Variants in CPPED1 observed in about 807,000 individuals in gnomAD.
CPPED1 encodes the protein calcineurin like phosphoesterase domain containing 1, also known as serine/threonine-protein phosphatase CPPED1.
CPPED1 carries 28 observed loss-of-function variants against 28.0 expected under a neutral mutation model. The observed-to-expected ratio is 1.00, with a 90% CI of 0.74 to 1.37. CPPED1 has a LOEUF of 1.37. CPPED1 is among the 40% of genes most tolerant of loss of function. The probability of loss-of-function intolerance (pLI) is 0.00; values close to 1 mark genes in which losing one functional copy is unlikely to be tolerated. For missense variants in CPPED1, 504 were observed against 416.5 expected (o/e 1.21, Z -1.83); for synonymous variants, 198 against 180.2 (o/e 1.10, Z -0.79).
intron 1 of CPPED1, among the ~76,000 whole-genome samples, chr16:12,781,657 G>GT (rs2080532662): frequency 6.6e-6 from 1 of 152,084 alleles, no homozygotes; most frequent in Admixed American, 6.6e-5. Flanking sequence ...CCACCAAGCT[G>GT]TTTGCTGACA....
chr16:12,692,276 C>T (rs1430459241), intron 3 of CPPED1, among the ~76,000 whole-genome samples: 2 of 152,022 alleles, frequency 1.3e-5, no homozygotes, highest in African/African-American at 4.8e-5. Context: ...AATTTGTCCC[C>T]GGTGTGGTGA....
At chr16:12,711,281 G>C (rs1353497854) in intron 2 of CPPED1, among the ~76,000 whole-genome samples, 1 of 152,180 alleles carries the variant, frequency 6.6e-6, no homozygotes, top group Non-Finnish European at 1.5e-5. Flanking sequence ...ACTTAGAGTG[G>C]TCAAATTCAG....
At chr16:12,689,676 A>T (rs2079952128) in intron 3 of CPPED1, among the ~76,000 whole-genome samples, 1 of 152,194 alleles carries the variant, frequency 6.6e-6, no homozygotes, top group South Asian at 2.1e-4. Context: ...ACAAAGCCGA[A>T]GGAAACGACA....
At chr16:12,766,450 AAAT>A in intron 2 of CPPED1, among the ~76,000 whole-genome samples, 3 of 104,130 alleles carry the variant, frequency 2.9e-5, no homozygotes, top group African/African-American at 1.8e-4. Flanking sequence ...AGCAAGAGAA[AAAT>A]GAGGAAGATG....
At chr16:12,724,793 TTC>T (rs1480681067) in intron 2 of CPPED1, among the ~76,000 whole-genome samples, 2 of 152,196 alleles carry the variant, frequency 1.3e-5, no homozygotes, top group African/African-American at 2.4e-5. Context: ...ACGATTCTTT[TTC>T]TTTTTTTTTG....
intron 2 of CPPED1, among the ~76,000 whole-genome samples, chr16:12,758,136 T>C (rs1225443228): frequency 1.3e-5 from 2 of 152,048 alleles, no homozygotes; most frequent in African/African-American, 4.8e-5. Context: ...GAACACCATG[T>C]CAAGTGAGGA....
chr16:12,739,395 C>G (rs1325713350), intron 2 of CPPED1, among the ~76,000 whole-genome samples: 1 of 152,088 alleles, frequency 6.6e-6, no homozygotes, highest in African/African-American at 2.4e-5. Context: ...GGTTGGCCAA[C>G]ATGGTGAAAC....
intron 2 of CPPED1, among the ~76,000 whole-genome samples, chr16:12,732,199 A>G (rs1456505411): frequency 6.6e-6 from 1 of 151,348 alleles, no homozygotes; most frequent in Non-Finnish European, 1.5e-5. Context: ...GCATTAATCA[A>G]CCAATTACAG....
chr16:12,776,928 G>C (rs769362944), intron 2 of CPPED1, among the ~76,000 whole-genome samples: 2 of 151,982 alleles, frequency 1.3e-5, no homozygotes, highest in Non-Finnish European at 2.9e-5. Flanking sequence ...CAAAAAAAAA[G>C]ATGTGCCTTT....
chr16:12,778,591 T>C (rs1015301737), intron 2 of CPPED1, among the ~76,000 whole-genome samples: 2 of 152,246 alleles, frequency 1.3e-5, no homozygotes, highest in Non-Finnish European at 2.9e-5. Flanking sequence ...CAAGATACTA[T>C]TTATGGTAGA....
intron 1 of CPPED1, among the ~76,000 whole-genome samples, chr16:12,799,142 C>G (rs573597314): frequency 3.3e-5 from 5 of 151,874 alleles, no homozygotes; most frequent in African/African-American, 1.2e-4. Context: ...GATTCTGCAG[C>G]AAAGGTGAAG....
At chr16:12,736,163 A>C (rs1032083803) in intron 2 of CPPED1, among the ~76,000 whole-genome samples, 1 of 152,130 alleles carries the variant, frequency 6.6e-6, no homozygotes, top group African/African-American at 2.4e-5. Context: ...CCCCAAACTC[A>C]GAAGTGGGCT....
chr16:12,665,637 T>TA (rs776677865), intron 3 of CPPED1, among the ~76,000 whole-genome samples: 33 of 146,720 alleles, frequency 2.2e-4, no homozygotes, highest in African/African-American at 5.8e-4. Context: ...ACCAAAAATA[T>TA]AAAAAAAAAT....
chr16:12,736,692 G>A (rs573755859), intron 2 of CPPED1, among the ~76,000 whole-genome samples: 36 of 152,330 alleles, frequency 2.4e-4, no homozygotes, highest in African/African-American at 8.4e-4. Flanking sequence ...TTTACAGAAT[G>A]CTAGGCAATC....
At chr16:12,668,156 G>A (rs2079835344) in intron 3 of CPPED1, among the ~76,000 whole-genome samples, 1 of 152,088 alleles carries the variant, frequency 6.6e-6, no homozygotes, top group African/African-American at 2.4e-5. Flanking sequence ...GACATGTTTG[G>A]AACATAAAAA....
chr16:12,696,057 ATC>A (rs1417954953), intron 3 of CPPED1, among the ~76,000 whole-genome samples: 1 of 152,196 alleles, frequency 6.6e-6, no homozygotes, highest in Non-Finnish European at 1.5e-5. Flanking sequence ...TGCCTTCCTC[ATC>A]TACCCTGAAA....
chr16:12,768,115 C>G (rs1596477956), intron 2 of CPPED1, among the ~76,000 whole-genome samples: 1 of 152,320 alleles, frequency 6.6e-6, no homozygotes, highest in Non-Finnish European at 1.5e-5. Context: ...GACAACCTCT[C>G]TCTGGCTGAA....
intron 3 of CPPED1, among the ~76,000 whole-genome samples, chr16:12,665,538 T>A (rs1040379996): frequency 1.3e-5 from 2 of 152,168 alleles, no homozygotes; most frequent in African/African-American, 4.8e-5. Context: ...ATGCCTGTAA[T>A]CCCAGCACTT....
chr16:12,757,246 G>C (rs2080376442), intron 2 of CPPED1, among the ~76,000 whole-genome samples: 1 of 152,126 alleles, frequency 6.6e-6, no homozygotes, highest in Non-Finnish European at 1.5e-5. Flanking sequence ...GGACTTTTCA[G>C]TGCTAAAACC....
Sources: allele counts gnomAD v4.1 joint callset (sites outside exome capture counted in the v4.1 genomes callset), GRCh38; gene constraint gnomAD v4.1.1; transcripts MANE v1.5; gene names NCBI Gene and HGNC (gene_info 2026-07-23, HGNC 2026-07-21).